Variants in PIK3R1 observed in about 807,000 individuals in gnomAD.
PIK3R1 encodes the protein phosphatidylinositol 3-kinase regulatory subunit alpha.
A neutral mutation model predicts 98.0 loss-of-function variants in PIK3R1; 29 were observed. The ratio of observed to expected loss-of-function variants is 0.30; its 90% confidence interval spans 0.22 to 0.40. The LOEUF (loss-of-function observed/expected upper bound fraction) is 0.40, where lower values mean the gene tolerates loss of function less well. Among genes scored for constraint, PIK3R1 ranks in the 10% least tolerant of loss-of-function variants. The pLI, the probability that PIK3R1 is intolerant of heterozygous loss-of-function variation, is 1.00. For synonymous variants in PIK3R1, 282 were observed against 311.8 expected (o/e 0.90, Z 1.01); for missense variants, 596 against 872.7 (o/e 0.68, Z 3.99).
intron 2 of PIK3R1, among the ~76,000 whole-genome samples, chr5:68,270,081 A>G (rs1483500655): frequency 6.6e-6 from 1 of 152,048 alleles, no homozygotes; most frequent in East Asian, 1.9e-4. Flanking sequence ...TTTTTAAAGC[A>G]ATCTGGTGTG....
chr5:68,280,609 C>T lies in PIK3R1; in HGVS notation c.716C>T (p.Thr239Met), dbSNP rs141981005. 164 of 1,613,058 alleles carry T rather than the reference C, an allele frequency of 1.0e-4. No homozygotes were observed. The highest frequency in any genetic ancestry group is 3.1e-4 in the South Asian group (28 of 91,060). ...SPSIPHQYWL[T>M]LQYLLKHFFK... is the part of the protein sequence containing the mutation. Reference sequence around the variant, plus strand: ...AGCATACCTCATCAGTATTGGCTTACGCTTCAGTATTTGTTAAAACATTTC... The same window carrying T: ...AGCATACCTCATCAGTATTGGCTTATGCTTCAGTATTTGTTAAAACATTTC... The change falls in exon 6 of 16, where the codon ACG becomes ATG. Residue 239 changes from threonine (T) to methionine (M), a missense_variant. Transcript: ENST00000521381.
At chr5:68,239,760 A>G in intron 2 of PIK3R1, 2 of 432,290 alleles carry the variant, frequency 4.6e-6, no homozygotes, top group Non-Finnish European at 9.2e-6. Flanking sequence ...CCAAAGGCAG[A>G]TGACTCCCTG....
Position 68,273,291 on chromosome 5 carries a change from G to C in PIK3R1, c.335-99G>C, listed in dbSNP as rs1746437567. ...CCCAGAGCAGGGGTTCTTCTTGCTC[G>C]GGCCTGATGTAATTAAATTATTTTG... is the stretch of plus-strand genomic sequence containing the variant. On this transcript the variant is annotated intron_variant, in intron 2 of 15. Transcript: ENST00000521381. 26 of 1,108,562 alleles carry C rather than the reference G, an allele frequency of 2.3e-5. 1 individual carries two copies. In the South Asian group the frequency reaches 2.9e-4, roughly 12 times the overall value. 68.7% of individuals were successfully genotyped at this position (1,108,562 alleles called of 1,614,324 possible).
chr5:68,266,205 G>A (rs963850560), intron 2 of PIK3R1, among the ~76,000 whole-genome samples: 4 of 152,182 alleles, frequency 2.6e-5, no homozygotes, highest in Non-Finnish European at 5.9e-5. Flanking sequence ...AATTGCTTGT[G>A]ACATCGCAGC....
chr5:68,251,507 G>T (rs1330484373), intron 2 of PIK3R1, among the ~76,000 whole-genome samples: 1 of 151,610 alleles, frequency 6.6e-6, no homozygotes, highest in Non-Finnish European at 1.5e-5. Flanking sequence ...GGCACTGAAC[G>T]TTTGTAAGCC....
At chr5:68,235,150 C>A (rs551165663) in intron 2 of PIK3R1, among the ~76,000 whole-genome samples, 1 of 152,052 alleles carries the variant, frequency 6.6e-6, no homozygotes, top group Admixed American at 6.5e-5. Context: ...CACCTGTAAT[C>A]CCAGCATTTT....
chr5:68,247,989 G>GA (rs1745166860), intron 2 of PIK3R1, among the ~76,000 whole-genome samples: 2 of 151,900 alleles, frequency 1.3e-5, no homozygotes, highest in African/African-American at 4.8e-5. Context: ...TCCATACTGG[G>GA]AAAATGTTCT....
chr5:68,257,943 A>C (rs6893676), intron 2 of PIK3R1, among the ~76,000 whole-genome samples: 30,305 of 152,210 alleles, frequency 0.2, 3,124 homozygotes, highest in South Asian at 0.22. Context: ...CACCCAAAAC[A>C]CATTTTATGC....
At chr5:68,297,343 AG>A in intron 15 of PIK3R1, 68 bp from the exon 16 acceptor site, 1 of 1,265,710 alleles carries the variant, frequency 7.9e-7, no homozygotes, top group South Asian at 1.4e-5. Flanking sequence ...TTTTTATTAA[AG>A]ATGCCCTGAA....
At chr5:68,225,031 G>A (rs907963685) in intron 1 of PIK3R1, among the ~76,000 whole-genome samples, 3 of 152,208 alleles carry the variant, frequency 2.0e-5, no homozygotes, top group Non-Finnish European at 2.9e-5. Context: ...TGGAATCTGC[G>A]TGATGATTCC....
intron 2 of PIK3R1, among the ~76,000 whole-genome samples, chr5:68,239,479 T>C (rs1273526602): frequency 6.6e-6 from 1 of 152,160 alleles, no homozygotes; most frequent in Non-Finnish European, 1.5e-5. Flanking sequence ...TTTCAGGTAC[T>C]GCACTAACCT....
intron 4 of PIK3R1, 151 bp downstream of exon 4, chr5:68,274,164 A>G (rs781334639): frequency 1.0e-5 from 7 of 701,902 alleles, no homozygotes; most frequent in South Asian, 8.3e-5. Context: ...CTGCCCTGTT[A>G]TGGTAACAGT....
chr5:68,236,741 T>A lies in PIK3R1; in HGVS notation c.334+9732T>A, dbSNP rs1744684171. On this transcript the variant is annotated intron_variant, in intron 2 of 15. Coordinates refer to ENST00000521381, the MANE Select transcript of PIK3R1 (RefSeq NM_181523.3). ...TGATCGGTAACTGAATTTTGCTTTTTGGGTGGTCTTCAATTATGTCTGCTT... is the reference window on the plus strand; with the variant it reads ...TGATCGGTAACTGAATTTTGCTTTTAGGGTGGTCTTCAATTATGTCTGCTT... Among the ~76,000 whole-genome samples the A allele has an allele frequency of 2.0e-5, 3 of 152,236 alleles. No homozygotes were observed. The South Asian group carries it at 6.2e-4, about 31-fold the overall frequency.
rs145705543 is a variant in PIK3R1, at chr5:68,301,637, AG to A, written c.*4039del. The A allele has an allele frequency of 6.6e-4, 93 of 141,800 alleles. 2 individuals are homozygous for A. The East Asian group carries it at 0.014, about 21-fold the overall frequency. 8.8% of individuals were successfully genotyped at this position (141,800 alleles called of 1,614,324 possible). Reference sequence around the variant, plus strand: ...AAAATAAAGTTGGTCTTTTGACGAGAGGGAGGATGTCACGGTCAGTTGTAAC... The same window carrying A: ...AAAATAAAGTTGGTCTTTTGACGAGAGGAGGATGTCACGGTCAGTTGTAAC... On this transcript the variant is annotated 3_prime_UTR_variant, in exon 16 of 16. Coordinates refer to ENST00000521381, the MANE Select transcript of PIK3R1 (RefSeq NM_181523.3).
intron 2 of PIK3R1, among the ~76,000 whole-genome samples, chr5:68,263,015 GTAGATACATGTAGATACATGTATACA>G (rs1745933223): frequency 1.8e-5 from 1 of 55,692 alleles, no homozygotes; most frequent in African/African-American, 6.2e-5. Context: ...ATATATACAT[GTAGATACATGTAGATACATGTATACA>G]TATATACATG....
chr5:68,257,120 C>T (rs1402307906), intron 2 of PIK3R1, among the ~76,000 whole-genome samples: 1 of 152,186 alleles, frequency 6.6e-6, no homozygotes, highest in Non-Finnish European at 1.5e-5. Flanking sequence ...CCCAGATTAC[C>T]CTAAAATCTT....
At chr5:68,229,129 TG>T (rs11313149) in intron 2 of PIK3R1, among the ~76,000 whole-genome samples, 87,971 of 148,668 alleles carry the variant, frequency 0.59, 26,966 homozygotes, top group African/African-American at 0.79. Context: ...AGGAGAGTGT[TG>T]GGGGGGGGTC....
chr5:68,270,013 T>C (rs80028600), intron 2 of PIK3R1, among the ~76,000 whole-genome samples: 1,896 of 152,264 alleles, frequency 0.012, 41 homozygotes, highest in African/African-American at 0.042. Context: ...GGGGAGTCAC[T>C]CAATACATTA....
intron 7 of PIK3R1, chr5:68,290,776 C>A (rs774530519): frequency 1.2e-5 from 19 of 1,613,386 alleles, no homozygotes; most frequent in Non-Finnish European, 1.4e-5. Flanking sequence ...TAGAATATGC[C>A]AAGACAGATA....
Sources: gnomAD v4.1 joint callset for allele counts (sites outside exome capture counted in the v4.1 genomes callset) on GRCh38, gnomAD v4.1.1 for gene constraint, MANE v1.5 for transcripts, NCBI Gene and HGNC (gene_info 2026-07-23, HGNC 2026-07-21) for gene names.